SLC2A13: variants seen among roughly 807,000 people sequenced by gnomAD.
SLC2A13 encodes the protein solute carrier family 2 member 13.
A neutral mutation model predicts 64.4 loss-of-function variants in SLC2A13; 32 were observed. The ratio of observed to expected loss-of-function variants is 0.50; its 90% CI spans 0.37 to 0.67. The LOEUF (loss-of-function observed/expected upper bound fraction) is 0.67. SLC2A13 is among the 30% of genes least tolerant of loss of function. The pLI, the probability that SLC2A13 is intolerant of heterozygous loss-of-function variation, is 0.00. For missense variants in SLC2A13, 743 were observed against 829.2 expected, an observed-to-expected ratio of 0.90 and a Z score of 1.28; for synonymous variants, 338 against 327.1, an observed-to-expected ratio of 1.03 and a Z score of -0.36.
At chr12:40,091,088 A>G (rs55707305) in intron 1 of SLC2A13, among the ~76,000 whole-genome samples, 18,914 of 152,194 alleles carry the variant, frequency 0.12, 1,555 homozygotes, top group Middle Eastern at 0.18. Flanking sequence ...ACAGCATGTT[A>G]TTGTACTAAA....
chr12:39,947,060 C>T (rs1456307395), intron 4 of SLC2A13, among the ~76,000 whole-genome samples: 5 of 152,216 alleles, frequency 3.3e-5, no homozygotes, highest in Admixed American at 1.3e-4. Context: ...GCTTATTTCA[C>T]TTGCCTGTCT....
chr12:39,896,467 CATAT>C (rs1944898066), intron 4 of SLC2A13, among the ~76,000 whole-genome samples: 3 of 124,110 alleles, frequency 2.4e-5, no homozygotes, highest in African/African-American at 9.3e-5. Context: ...TATATGTATA[CATAT>C]ATGTATATGT....
chr12:40,058,087 A>AGATAGATAGATAGATT (rs1555158666), intron 1 of SLC2A13, among the ~76,000 whole-genome samples: 90 of 139,076 alleles, frequency 6.5e-4, no homozygotes, highest in South Asian at 1.4e-3. Context: ...ATAGATAGAT[A>AGATAGATAGATAGATT]GATTGATTTA....
chr12:39,990,670 G>T (rs570367607), intron 3 of SLC2A13, among the ~76,000 whole-genome samples: 2 of 152,272 alleles, frequency 1.3e-5, no homozygotes, highest in Admixed American at 1.3e-4. Flanking sequence ...CTACGACTAG[G>T]TGGTTGTGAC....
chr12:39,989,741 G>A (rs756969446), intron 3 of SLC2A13, among the ~76,000 whole-genome samples: 2 of 152,124 alleles, frequency 1.3e-5, no homozygotes, highest in Admixed American at 1.3e-4. Context: ...ATACACTGTA[G>A]GGAAGCAGAC....
chr12:39,924,673 A>AT (rs926245452), intron 4 of SLC2A13, among the ~76,000 whole-genome samples: 1 of 151,808 alleles, frequency 6.6e-6, no homozygotes, highest in Non-Finnish European at 1.5e-5. Context: ...ATTATTCTTC[A>AT]TTTTTTTTCT....
chr12:40,031,501 ACG>A lies in SLC2A13; in HGVS notation c.717-2994_717-2993del, dbSNP rs1218053130. Among the ~76,000 whole-genome samples, 11 of 152,292 alleles carry A rather than the reference ACG, an allele frequency of 7.2e-5. No homozygotes were observed. The East Asian group carries it at 2.1e-3, about 29-fold the overall frequency. ...CTCCCAAAGTGCTGGGATTACAGGCACGCGCCACTGCTTTCGGCCAAGTTACT... is the reference window on the plus strand; with the variant it reads ...CTCCCAAAGTGCTGGGATTACAGGCACGCCACTGCTTTCGGCCAAGTTACT... On this transcript the variant is annotated intron_variant, in intron 2 of 9. Coordinates refer to ENST00000280871, the MANE Select transcript of SLC2A13 (RefSeq NM_052885.4).
At chr12:40,046,636 GA>G (rs547750463) in intron 2 of SLC2A13, among the ~76,000 whole-genome samples, 121 of 137,778 alleles carry the variant, frequency 8.8e-4, no homozygotes, top group Admixed American at 1.4e-3. Flanking sequence ...CTACTGAGTA[GA>G]AAAAAAAAAA....
At chr12:39,988,691 GAGGA>G (rs539712670) in intron 3 of SLC2A13, among the ~76,000 whole-genome samples, 1,286 of 79,982 alleles carry the variant, frequency 0.016, 35 homozygotes, top group African/African-American at 0.048. Flanking sequence ...GGGAGGGAGG[GAGGA>G]AGGAAGGAAG....
Position 39,960,744 on chromosome 12 carries a change from C to CTTTTTTT in SLC2A13, c.926-9386_926-9380dup, listed in dbSNP as rs71434303. Reference sequence around the variant, plus strand: ...GTGAAAAATGGTTTCCTGTCTCATTCTTTTTTTTTTTTTTTTTTTTCAAGA... The same window carrying CTTTTTTT: ...GTGAAAAATGGTTTCCTGTCTCATTCTTTTTTTTTTTTTTTTTTTTTTTTTTTCAAGA... On this transcript the variant is annotated intron_variant, in intron 3 of 9. Transcript: ENST00000280871. 8.7e-4 allele frequency among the ~76,000 whole-genome samples: 95 copies of CTTTTTTT among 108,730 alleles called. 1 individual carries two copies. Among genetic ancestry groups the CTTTTTTT allele is most frequent in the Non-Finnish European group, 1.3e-3 (77 of 57,096 alleles). 71.3% of individuals were successfully genotyped at this position (108,730 alleles called of 152,430 possible).
At chr12:39,779,039 A>C (rs1450468816) in intron 7 of SLC2A13, among the ~76,000 whole-genome samples, 1 of 152,206 alleles carries the variant, frequency 6.6e-6, no homozygotes, top group Non-Finnish European at 1.5e-5. Flanking sequence ...TGACAACTAG[A>C]ATATGAGACA....
At chr12:39,887,617 C>T (rs886942596) in intron 4 of SLC2A13, among the ~76,000 whole-genome samples, 2 of 152,136 alleles carry the variant, frequency 1.3e-5, no homozygotes, top group Non-Finnish European at 2.9e-5. Context: ...AGAGGGTAGA[C>T]GTCCTTCTTC....
intron 5 of SLC2A13, among the ~76,000 whole-genome samples, chr12:39,867,582 T>C (rs1216939299): frequency 2.0e-5 from 3 of 152,160 alleles, no homozygotes; most frequent in African/African-American, 7.2e-5. Flanking sequence ...TACATCTATC[T>C]CTTAAGGTCC....
In SLC2A13 at chr12:39,757,201, T is replaced by C. The variant is rs1487723214; in HGVS notation, c.*2825A>G. The C allele has an allele frequency of 1.3e-5, 2 of 151,792 alleles. No homozygotes were observed. Among genetic ancestry groups the C allele is most frequent in the South Asian group, 2.1e-4 (1 of 4,832 alleles). 9.4% of individuals were successfully genotyped at this position (151,792 alleles called of 1,614,324 possible). ...TCAATAGGGATTTGGACCTTCTTCA[T>C]TGTATTTTCCTAAGACATAATATAC... On this transcript the variant is annotated 3_prime_UTR_variant, in exon 10 of 10. Coordinates refer to ENST00000280871, the MANE Select transcript of SLC2A13 (RefSeq NM_052885.4).
chr12:39,840,670 G>A (rs560300581), intron 6 of SLC2A13, among the ~76,000 whole-genome samples: 2 of 151,908 alleles, frequency 1.3e-5, no homozygotes, highest in Non-Finnish European at 2.9e-5. Context: ...CCTGACCCCA[G>A]CAGAATCAGA....
intron 3 of SLC2A13, among the ~76,000 whole-genome samples, chr12:40,008,887 C>T (rs1264966100): frequency 1.3e-5 from 2 of 152,142 alleles, no homozygotes; most frequent in Non-Finnish European, 2.9e-5. Flanking sequence ...ATGTTCATTA[C>T]AGCACTGTTT....
chr12:39,836,812 A>G (rs1214156778), intron 6 of SLC2A13, among the ~76,000 whole-genome samples: 1 of 105,330 alleles, frequency 9.5e-6, no homozygotes, highest in African/African-American at 3.8e-5. Flanking sequence ...AAGGAGAACT[A>G]CAAACCACTG....
chr12:40,043,654 G>C (rs1164579665), intron 2 of SLC2A13, among the ~76,000 whole-genome samples: 1 of 151,962 alleles, frequency 6.6e-6, no homozygotes, highest in African/African-American at 2.4e-5. Flanking sequence ...AAAGAAAAGG[G>C]CAAGCAGCGA....
intron 7 of SLC2A13, among the ~76,000 whole-genome samples, chr12:39,767,613 A>T (rs1940407984): frequency 6.6e-6 from 1 of 152,038 alleles, no homozygotes; most frequent in South Asian, 2.1e-4. Flanking sequence ...AGGCAGTTTC[A>T]TCTACATTGA....
Sources: allele counts gnomAD v4.1 joint callset (sites outside exome capture counted in the v4.1 genomes callset), GRCh38; gene constraint gnomAD v4.1.1; transcripts MANE v1.5; gene names NCBI Gene and HGNC (gene_info 2026-07-23, HGNC 2026-07-21).